The following MGAT4C variants were observed in gnomAD, a reference collection of about 807,000 sequenced individuals.
MGAT4C encodes the protein alpha-1,3-mannosyl-glycoprotein 4-beta-N-acetylglucosaminyltransferase C.
In MGAT4C, 19 loss-of-function variants were observed where a neutral mutation model predicts 40.1. That is an observed-to-expected ratio of 0.47 (90% confidence interval 0.33 to 0.70). The LOEUF is 0.70. Among genes scored for constraint, MGAT4C ranks in the 30% least tolerant of loss-of-function variants. The probability of loss-of-function intolerance (pLI) is 0.02; values close to 1 mark genes in which losing one functional copy is unlikely to be tolerated. For synonymous variants in MGAT4C, 181 were observed against 187.1 expected (o/e 0.97, Z 0.27); for missense variants, 491 against 563.2 (o/e 0.87, Z 1.30).
At chr12:86,149,824 C>T (rs1884049578) in intron 1 of MGAT4C, among the ~76,000 whole-genome samples, 1 of 151,742 alleles carries the variant, frequency 6.6e-6, no homozygotes, top group Non-Finnish European at 1.5e-5. Flanking sequence ...CCATGGTTCT[C>T]AATAAAGAGA....
Position 85,979,222 on chromosome 12 carries a change from A to T in MGAT4C, c.*67T>A. On this transcript the variant is annotated 3_prime_UTR_variant, in exon 5 of 5. Coordinates refer to ENST00000611864, the MANE Select transcript of MGAT4C (RefSeq NM_001351288.2). Reference sequence around the variant, plus strand: ...TCCCATCCATTGCTTTCCCTCCAAAAGACAAAGGTAGCAAAAGACGAAGCA... The same window carrying T: ...TCCCATCCATTGCTTTCCCTCCAAATGACAAAGGTAGCAAAAGACGAAGCA... 7.6e-7 allele frequency: 1 copy of T among 1,315,030 alleles called. No individual in the cohort carries two copies. The highest frequency in any genetic ancestry group is 1.0e-6 in the Non-Finnish European group (1 of 957,532). The allele number at this position is 1,315,030 out of a possible 1,614,324, so 81.5% of individuals were successfully genotyped here.
intron 2 of MGAT4C, among the ~76,000 whole-genome samples, chr12:86,467,413 A>G (rs1380142841): frequency 6.6e-6 from 1 of 152,184 alleles, no homozygotes; most frequent in African/African-American, 2.4e-5. Context: ...GCATTTGAGA[A>G]TACCTTTGCA....
Position 86,088,785 on chromosome 12 carries a change from A to T in MGAT4C, c.-56-39062T>A, listed in dbSNP as rs372252257. On this transcript the variant is annotated intron_variant, in intron 1 of 4. Coordinates refer to ENST00000611864, the MANE Select transcript of MGAT4C (RefSeq NM_001351288.2). Reference sequence around the variant, plus strand: ...TGCAGAGAAAAGGGAACACTTATACACTACTGGTGGGAGTGCAAATGAATT... The same window carrying T: ...TGCAGAGAAAAGGGAACACTTATACTCTACTGGTGGGAGTGCAAATGAATT... Among the ~76,000 whole-genome samples the T allele has an allele frequency of 1.6e-3, 242 of 152,174 alleles. 8 individuals carry two copies. In the South Asian group the frequency reaches 0.048, roughly 30 times the overall value.
chr12:86,463,874 G>A (rs1466071565), intron 2 of MGAT4C, among the ~76,000 whole-genome samples: 1 of 151,994 alleles, frequency 6.6e-6, no homozygotes, highest in Non-Finnish European at 1.5e-5. Flanking sequence ...GAAAAAGAAC[G>A]CAAAACTTAA....
chr12:86,458,976 A>G (rs1373877818), intron 2 of MGAT4C, among the ~76,000 whole-genome samples: 7 of 151,940 alleles, frequency 4.6e-5, no homozygotes, highest in Admixed American at 6.6e-5. Flanking sequence ...CATCATTTCC[A>G]TAGGCTCATC....
At chr12:86,276,650 T>C (rs1006075719) in intron 4 of MGAT4C, among the ~76,000 whole-genome samples, 3 of 152,236 alleles carry the variant, frequency 2.0e-5, no homozygotes, top group African/African-American at 7.2e-5. Flanking sequence ...ATCATTTTAA[T>C]TTTTACCTCC....
At chr12:86,747,271 C>T (rs373509953) in intron 1 of MGAT4C, among the ~76,000 whole-genome samples, 61 of 151,596 alleles carry the variant, frequency 4.0e-4, no homozygotes, top group South Asian at 3.3e-3. Context: ...GTAGAAATGC[C>T]GTTGAGCCGT....
At chr12:85,994,878 A>G (rs1392589219) in intron 2 of MGAT4C, among the ~76,000 whole-genome samples, 1 of 152,186 alleles carries the variant, frequency 6.6e-6, no homozygotes, top group African/African-American at 2.4e-5. Flanking sequence ...TGAAGATTAA[A>G]ATTTATGGGC....
At chr12:86,721,945 A>G (rs948870755) in intron 2 of MGAT4C, among the ~76,000 whole-genome samples, 3 of 152,098 alleles carry the variant, frequency 2.0e-5, no homozygotes, top group Non-Finnish European at 4.4e-5. Context: ...TATTAATCTC[A>G]TGTCATTCAA....
In MGAT4C at chr12:86,049,334, G is replaced by A. The variant is rs554799480; in HGVS notation, c.-7+340C>T. Among the ~76,000 whole-genome samples, 71 of 151,974 alleles carry A rather than the reference G, an allele frequency of 4.7e-4. 2 individuals carry two copies. The highest frequency in any genetic ancestry group is 3.7e-3 in the South Asian group (18 of 4,824). ...TGTGTGTGTGTGTGTACCTGCACAAGTGTGTGCACTCTCTGAGAGATGCCT... is the reference window on the plus strand; with the variant it reads ...TGTGTGTGTGTGTGTACCTGCACAAATGTGTGCACTCTCTGAGAGATGCCT... On this transcript the variant is annotated intron_variant, in intron 2 of 4. Transcript: ENST00000611864.
intron 1 of MGAT4C, among the ~76,000 whole-genome samples, chr12:86,784,191 C>A (rs1002792584): frequency 3.3e-5 from 5 of 152,042 alleles, no homozygotes; most frequent in African/African-American, 1.2e-4. Flanking sequence ...GAATTTGTTG[C>A]AACTATTCTT....
chr12:86,115,030 T>C (rs749894775), intron 1 of MGAT4C, among the ~76,000 whole-genome samples: 9 of 152,094 alleles, frequency 5.9e-5, no homozygotes, highest in Admixed American at 2.6e-4. Context: ...GAGAAAATGA[T>C]ACAGTCAGAA....
intron 2 of MGAT4C, among the ~76,000 whole-genome samples, chr12:86,657,327 T>G: frequency 6.6e-6 from 1 of 151,928 alleles, no homozygotes; most frequent in East Asian, 1.9e-4. Context: ...TCCTTCATTA[T>G]AGAATGTCCT....
chr12:86,588,806 G>A (rs1961187021), intron 2 of MGAT4C, among the ~76,000 whole-genome samples: 1 of 151,812 alleles, frequency 6.6e-6, no homozygotes, highest in Non-Finnish European at 1.5e-5. Flanking sequence ...ATGACTACTG[G>A]GTACATAACG....
At chr12:86,317,958 A>G (rs941854647) in intron 4 of MGAT4C, among the ~76,000 whole-genome samples, 1 of 151,722 alleles carries the variant, frequency 6.6e-6, no homozygotes, top group African/African-American at 2.4e-5. Flanking sequence ...TTCCTTCTCC[A>G]TGTTTATCTT....
At chr12:86,007,143 A>C (rs1408738694) in intron 2 of MGAT4C, among the ~76,000 whole-genome samples, 2 of 152,146 alleles carry the variant, frequency 1.3e-5, no homozygotes, top group African/African-American at 2.4e-5. Context: ...CTGCATTTTC[A>C]ACTGTGTTCA....
At chr12:86,146,938 T>C (rs1017710519) in intron 1 of MGAT4C, among the ~76,000 whole-genome samples, 10 of 152,108 alleles carry the variant, frequency 6.6e-5, no homozygotes, top group Non-Finnish European at 1.3e-4. Flanking sequence ...CTTCACCAAC[T>C]CTGTAAAGTT....
chr12:86,585,919 C>T (rs1961010540), intron 2 of MGAT4C, among the ~76,000 whole-genome samples: 1 of 150,902 alleles, frequency 6.6e-6, no homozygotes, highest in African/African-American at 2.4e-5. Context: ...TCTCACAACA[C>T]TACAAGGTAG....
intron 2 of MGAT4C, among the ~76,000 whole-genome samples, chr12:86,711,054 T>G (rs1453663527): frequency 4.6e-5 from 7 of 151,908 alleles, no homozygotes; most frequent in African/African-American, 1.7e-4. Flanking sequence ...GGGAGGGGAT[T>G]GAGGGATAAA....
Sources: allele counts gnomAD v4.1 joint callset (sites outside exome capture counted in the v4.1 genomes callset), GRCh38; gene constraint gnomAD v4.1.1; transcripts MANE v1.5; gene names NCBI Gene and HGNC (gene_info 2026-07-23, HGNC 2026-07-21).